TP53INP1: variants seen among roughly 807,000 people sequenced by gnomAD.
TP53INP1 encodes tumor protein p53-inducible nuclear protein 1.
In TP53INP1, 12 loss-of-function variants were observed where a neutral mutation model predicts 21.0. The ratio of observed to expected loss-of-function variants is 0.57; its 90% CI spans 0.37 to 0.93. The LOEUF (loss-of-function observed/expected upper bound fraction) is 0.93. Ranked by LOEUF, TP53INP1 falls within the 40% of genes least tolerant of loss-of-function variation. TP53INP1 has a pLI of 0.01. For missense variants in TP53INP1, 274 were observed against 294.7 expected (o/e 0.93, Z 0.51); for synonymous variants, 91 against 94.8 (o/e 0.96, Z 0.23).
In TP53INP1 at chr8:94,940,837, G is replaced by C; in HGVS notation, c.105C>G (p.Asp35Glu). 6.2e-7 allele frequency: 1 copy of C among 1,611,584 alleles called. No homozygotes were observed. Among genetic ancestry groups the C allele is most frequent in the Non-Finnish European group, 8.5e-7 (1 of 1,178,422 alleles). ...TAACCAAGTGTACCTTACCTATGAA[G>C]TCAACAAGAATCCATTCATCATCTT... ...EKEDDEWILV[D>E]FIDTCTGFSA... Residue 35 changes from aspartate (D) to glutamate (E), a missense_variant, in exon 2 of 4, where the codon GAC becomes GAG. By Grantham distance (45) the Asp-to-Glu change is conservative. Transcript: ENST00000342697.
intron 3 of TP53INP1, among the ~76,000 whole-genome samples, chr8:94,932,841 G>A (rs916366347): frequency 6.6e-6 from 1 of 151,968 alleles, no homozygotes; most frequent in Non-Finnish European, 1.5e-5. Flanking sequence ...CCAAAATAAG[G>A]ATGTTAAAAA....
chr8:94,936,887 A>G (rs1238653406), intron 3 of TP53INP1, among the ~76,000 whole-genome samples: 3 of 152,296 alleles, frequency 2.0e-5, no homozygotes, highest in East Asian at 1.9e-4. Context: ...TCTCAGGCAC[A>G]AATACCAATG....
chr8:94,932,156 T>A (rs759095553), intron 3 of TP53INP1: 6 of 1,572,340 alleles, frequency 3.8e-6, no homozygotes, highest in Non-Finnish European at 3.5e-6. Flanking sequence ...AGATTTAAAA[T>A]GCTATTGTAA....
intron 3 of TP53INP1, 137 bp downstream of exon 3, chr8:94,939,723 G>A (rs1018002169): frequency 3.2e-6 from 4 of 1,235,436 alleles, no homozygotes; most frequent in Non-Finnish European, 4.6e-6. Flanking sequence ...GGACCATCTT[G>A]TGTACTATGC....
At chr8:94,931,827 C>G (rs1820432218) in intron 3 of TP53INP1, among the ~76,000 whole-genome samples, 1 of 151,960 alleles carries the variant, frequency 6.6e-6, no homozygotes. Flanking sequence ...CAAAAATTAG[C>G]CAGGTGTGGT....
rs999448519 is a variant in TP53INP1 at position 94,949,141 on chromosome 8, C to T, written c.-151+13G>A. 4.0e-5 allele frequency: 6 copies of T among 149,328 alleles called. No homozygotes were observed. The highest frequency in any genetic ancestry group is 4.2e-4 in the South Asian group (2 of 4,774). 9.3% of individuals were successfully genotyped at this position (149,328 alleles called of 1,614,324 possible). On this transcript the variant is annotated intron_variant, in intron 1 of 3. Transcript: ENST00000342697. Reference sequence around the variant, plus strand: ...CCTGGACGGACGCCCGCCCGCCCCCCCCCGGCACTTACGTGGGCCCGGGCC... The same window carrying T: ...CCTGGACGGACGCCCGCCCGCCCCCTCCCGGCACTTACGTGGGCCCGGGCC...
rs1820249664 is a variant in TP53INP1 at position 94,930,148 on chromosome 8, C to G, written c.*331G>C. 1 of 239,874 alleles carries G rather than the reference C, an allele frequency of 4.2e-6. No individual in the cohort carries two copies. The highest frequency in any genetic ancestry group is 9.7e-5 in the East Asian group (1 of 10,346). The allele number at this position is 239,874 out of a possible 1,614,324, so 14.9% of individuals were successfully genotyped here. A position where few individuals can be genotyped will look rare whatever the true frequency, so the allele number is the denominator to read the frequency against. On this transcript the variant is annotated 3_prime_UTR_variant, in exon 4 of 4. Coordinates refer to ENST00000342697, the MANE Select transcript of TP53INP1 (RefSeq NM_033285.4). ...AAAATAAAATGAAAATGAAAGATGCCTATTCTCGTACTTGGGAAGAAATGT... is the reference window on the plus strand; with the variant it reads ...AAAATAAAATGAAAATGAAAGATGCGTATTCTCGTACTTGGGAAGAAATGT...
In TP53INP1 at chr8:94,940,090, A is replaced by C; in HGVS notation, c.243T>G (p.Asp81Glu). Residue 81 changes from aspartate (D) to glutamate (E), a missense_variant, in exon 3 of 4, where the codon GAT becomes GAG. Asp to Glu is a conservative substitution (Grantham distance 45). Transcript: ENST00000342697. Reference sequence around the variant, plus strand: ...ATGACTCAAACTGGAGAAAGCAGGAATCACTTGTATCAGCCAAGCACTCAA... The same window carrying C: ...ATGACTCAAACTGGAGAAAGCAGGACTCACTTGTATCAGCCAAGCACTCAA... ...ASLECLADTS[D>E]SCFLQFESCP... 1 of 1,614,238 alleles carries C rather than the reference A, an allele frequency of 6.2e-7. No homozygotes were observed. Among genetic ancestry groups the C allele is most frequent in the South Asian group, 1.1e-5 (1 of 91,090 alleles).
rs1819986024 is a variant in TP53INP1 at position 94,927,358 on chromosome 8, A to G, written c.*3121T>C. 6.6e-6 allele frequency: 1 copy of G among 152,264 alleles called. No homozygotes were observed. Among genetic ancestry groups the G allele is most frequent in the Non-Finnish European group, 1.5e-5 (1 of 68,026 alleles). The allele number at this position is 152,264 out of a possible 1,614,324, so 9.4% of individuals were successfully genotyped here. ...ACCAGTGTACTATACAGATTTCAGA[A>G]GCAGAAACAATGCTGAACAGCCTGC... On this transcript the variant is annotated 3_prime_UTR_variant, in exon 4 of 4. Coordinates refer to ENST00000342697, the MANE Select transcript of TP53INP1 (RefSeq NM_033285.4).
At position 94,939,910 on chromosome 8, in the gene TP53INP1, G is replaced by A; in HGVS notation, c.423C>T (p.Leu141=). The change falls in exon 3 of 4, where the codon CTC becomes CTT. Residue 141 remains leucine (L), a synonymous_variant. Transcript: ENST00000342697. ...VYAVHNSCPG[L]SEATRGTDEL... is the part of the protein sequence containing the mutation. ...CATCAGTCCCACGGGTGGCCTCACTGAGACCAGGGCAGGAGTTATGCACAG... is the reference window on the plus strand; with the variant it reads ...CATCAGTCCCACGGGTGGCCTCACTAAGACCAGGGCAGGAGTTATGCACAG... 1 of 1,614,148 alleles carries A rather than the reference G, an allele frequency of 6.2e-7. No individual in the cohort carries two copies. The highest frequency in any genetic ancestry group is 1.1e-5 in the South Asian group (1 of 91,080).
At chr8:94,939,550 C>T (rs1470594360) in intron 3 of TP53INP1, 7 of 322,246 alleles carry the variant, frequency 2.2e-5, no homozygotes, top group Non-Finnish European at 3.0e-5. Context: ...TGTGCACCAC[C>T]ACACCTGGCT....
At chr8:94,946,174 T>C (rs1255940857) in intron 1 of TP53INP1, among the ~76,000 whole-genome samples, 1 of 152,108 alleles carries the variant, frequency 6.6e-6, no homozygotes, top group Non-Finnish European at 1.5e-5. Flanking sequence ...TGCACTGTTT[T>C]GTATCTCACT....
chr8:94,940,303 T>C (rs1821405731), intron 2 of TP53INP1, 83 bp from the exon 3 acceptor site: 2 of 1,460,584 alleles, frequency 1.4e-6, no homozygotes, highest in Non-Finnish European at 1.8e-6. Context: ...GCAGTCATTA[T>C]AAAGTCACCC....
chr8:94,932,224 A>T, intron 3 of TP53INP1: 4 of 1,035,464 alleles, frequency 3.9e-6, no homozygotes, highest in Non-Finnish European at 5.8e-6. Context: ...GTGCCATTAA[A>T]GGCACGTACA....
intron 3 of TP53INP1, among the ~76,000 whole-genome samples, chr8:94,936,110 G>T (rs544322350): frequency 4.1e-4 from 62 of 152,252 alleles, no homozygotes; most frequent in Admixed American, 1.0e-3. Context: ...TTGGACTAGA[G>T]AATTTCCACA....
At position 94,933,837 on chromosome 8, in the gene TP53INP1, G is replaced by GGC. The variant is rs1554630467; in HGVS notation, c.474-3110_474-3109insGC. Among the ~76,000 whole-genome samples, 5 of 148,148 alleles carry GGC rather than the reference G, an allele frequency of 3.4e-5. No homozygotes were observed. In the South Asian group the frequency reaches 6.6e-4, roughly 20 times the overall value. On this transcript the variant is annotated intron_variant, in intron 3 of 3. Coordinates refer to ENST00000342697, the MANE Select transcript of TP53INP1 (RefSeq NM_033285.4). ...TGCCTGTAATCCCAGCACTTTGTGG[G>GGC]GGGGGGGGGAGGATCACGAGGTCAG...
intron 1 of TP53INP1, among the ~76,000 whole-genome samples, 190 bp downstream of exon 1, chr8:94,948,964 A>G (rs1249853074): frequency 4.0e-5 from 6 of 149,862 alleles, no homozygotes; most frequent in Admixed American, 1.3e-4. Context: ...GGACCGACCC[A>G]CTGGGTGGGC....
intron 1 of TP53INP1, among the ~76,000 whole-genome samples, 186 bp downstream of exon 1, chr8:94,948,968 G>T (rs1563739000): frequency 6.6e-6 from 1 of 150,524 alleles, no homozygotes; most frequent in African/African-American, 2.4e-5. Flanking sequence ...CGACCCACTG[G>T]GTGGGCGGCC....
At chr8:94,932,939 G>A (rs935138489) in intron 3 of TP53INP1, among the ~76,000 whole-genome samples, 11 of 152,178 alleles carry the variant, frequency 7.2e-5, no homozygotes, top group African/African-American at 2.7e-4. Context: ...CATTCTGGCC[G>A]AGCACAATGG....
Sources: gnomAD v4.1 joint callset for allele counts (sites outside exome capture counted in the v4.1 genomes callset) on GRCh38, gnomAD v4.1.1 for gene constraint, MANE v1.5 for transcripts, NCBI Gene and HGNC (gene_info 2026-07-23, HGNC 2026-07-21) for gene names.